The following LYPD6B variants were observed in gnomAD, a reference collection of about 807,000 sequenced individuals.
LYPD6B encodes ly6/PLAUR domain-containing protein 6B.
Under a neutral mutation model 22.8 loss-of-function variants are expected in LYPD6B, and 17 were observed. The observed-to-expected ratio is 0.75, with a 90% confidence interval of 0.51 to 1.12. LYPD6B has a LOEUF of 1.12. LYPD6B is among the 50% of genes most tolerant of loss of function. The pLI, the probability that LYPD6B is intolerant of heterozygous loss-of-function variation, is 0.00. For synonymous variants in LYPD6B, 106 were observed against 91.6 expected, an observed-to-expected ratio of 1.16 and a Z score of -0.90; for missense variants, 221 against 258.3, an observed-to-expected ratio of 0.86 and a Z score of 0.99.
Position 149,201,004 on chromosome 2 carries a change from T to G in LYPD6B, c.78-4249T>G, listed in dbSNP as rs1444391282. Among the ~76,000 whole-genome samples the G allele has an allele frequency of 2.0e-5, 3 of 152,196 alleles. No homozygotes were observed. In the East Asian group the frequency reaches 5.8e-4, roughly 29 times the overall value. On this transcript the variant is annotated intron_variant, in intron 3 of 6. Coordinates refer to ENST00000409642, the MANE Select transcript of LYPD6B (RefSeq NM_177964.5). The stretch of plus-strand genomic sequence containing the variant: ...GGAAAGATGGATGAAGGTAATAAGC[T>G]CTGTGTTGGGAAAAATGTTTTGAGC...
At chr2:149,091,367 T>TA (rs1389617635) in intron 1 of LYPD6B, among the ~76,000 whole-genome samples, 2 of 150,490 alleles carry the variant, frequency 1.3e-5, no homozygotes, top group Non-Finnish European at 3.0e-5. Flanking sequence ...AAAGATTATT[T>TA]ATATAGAATA....
rs200611202 is a variant in LYPD6B at position 149,157,327 on chromosome 2, A to C, written c.6-3437A>C. Among the ~76,000 whole-genome samples the C allele has an allele frequency of 4.1e-4, 63 of 152,048 alleles. 1 individual carries two copies. The highest frequency in any genetic ancestry group is 1.4e-3 in the African/African-American group (60 of 41,530). ...TATTGCTCTAGAAGTCAGTCTAAAAACACACAGGAGGAACTCAAGACTTAA... is the reference window on the plus strand; with the variant it reads ...TATTGCTCTAGAAGTCAGTCTAAAACCACACAGGAGGAACTCAAGACTTAA... On this transcript the variant is annotated intron_variant, in intron 2 of 6. Transcript: ENST00000409642.
chr2:149,119,258 A>G (rs1403305653), intron 1 of LYPD6B: 2 of 152,344 alleles, frequency 1.3e-5, no homozygotes, highest in Non-Finnish European at 1.5e-5. Flanking sequence ...TGTATTTTAG[A>G]CCAATAAATG....
intron 1 of LYPD6B, among the ~76,000 whole-genome samples, chr2:149,119,702 A>G (rs1288545932): frequency 1.3e-5 from 2 of 152,220 alleles, no homozygotes; most frequent in Non-Finnish European, 2.9e-5. Context: ...ACTCTGCTAG[A>G]TAGGATCTCT....
rs1687012686 is a variant in LYPD6B at position 149,116,516 on chromosome 2, T to A, written c.-66-14367T>A. ...CTAACCCTCTGCTAATATTTACTAC[T>A]AATTTGCTGTTGTGCCATTTTCTGA... On this transcript the variant is annotated intron_variant, in intron 1 of 6. Transcript: ENST00000409642. Among the ~76,000 whole-genome samples, 4 of 152,338 alleles carry A rather than the reference T, an allele frequency of 2.6e-5. No homozygotes were observed. In the South Asian group the frequency reaches 8.3e-4, roughly 32 times the overall value.
intron 1 of LYPD6B, among the ~76,000 whole-genome samples, chr2:149,082,506 C>G (rs544959415): frequency 6.6e-6 from 1 of 152,270 alleles, no homozygotes; most frequent in African/African-American, 2.4e-5. Flanking sequence ...CCCCCAGTAC[C>G]AATTCCTGCT....
At chr2:149,133,245 T>C (rs1688142208) in intron 2 of LYPD6B, among the ~76,000 whole-genome samples, 1 of 152,208 alleles carries the variant, frequency 6.6e-6, no homozygotes, top group Non-Finnish European at 1.5e-5. Context: ...GTCAGTTTAA[T>C]GAGGTACTAA....
At chr2:149,198,358 T>C (rs1355392375) in intron 3 of LYPD6B, among the ~76,000 whole-genome samples, 1 of 152,168 alleles carries the variant, frequency 6.6e-6, no homozygotes, top group East Asian at 1.9e-4. Context: ...AAATTTTTTC[T>C]ATGTGGAGCT....
At chr2:149,210,976 G>A (rs1693814041) in intron 5 of LYPD6B, among the ~76,000 whole-genome samples, 1 of 152,172 alleles carries the variant, frequency 6.6e-6, no homozygotes. Flanking sequence ...TCCATAGGCT[G>A]TTCAGGAAGC....
intron 5 of LYPD6B, among the ~76,000 whole-genome samples, chr2:149,212,596 C>T (rs983219197): frequency 4.6e-5 from 7 of 151,898 alleles, no homozygotes; most frequent in African/African-American, 9.7e-5. Context: ...TGACCCATTG[C>T]GTTTTACCAT....
chr2:149,213,122 G>A lies in LYPD6B; in HGVS notation c.459G>A (p.Thr153=), dbSNP rs769271943. Residue 153 remains threonine, a splice_region_variant and synonymous_variant, in exon 6 of 7, where the codon ACG becomes ACA. Coordinates refer to ENST00000409642, the MANE Select transcript of LYPD6B (RefSeq NM_177964.5). The stretch of plus-strand genomic sequence containing the variant: ...ACCACAGCCGAGATTCTGAACATAC[G>A]GTAAGGATCGTGTGTGTGTGTTATT... ...GCHHSRDSEH[T]ECRSCCEGMI... is the part of the protein sequence containing the mutation. 32 of 1,610,474 alleles carry A rather than the reference G, an allele frequency of 2.0e-5. No homozygotes were observed. Among genetic ancestry groups the A allele is most frequent in the Middle Eastern group, 1.6e-4 (1 of 6,062 alleles).
chr2:149,211,325 G>A (rs1433837252), intron 5 of LYPD6B, among the ~76,000 whole-genome samples: 1 of 152,094 alleles, frequency 6.6e-6, no homozygotes, highest in Admixed American at 6.5e-5. Flanking sequence ...AGTATACTGA[G>A]GAGTAGAATA....
intron 1 of LYPD6B, among the ~76,000 whole-genome samples, chr2:149,117,308 T>C (rs534011672): frequency 1.2e-4 from 18 of 151,924 alleles, no homozygotes; most frequent in African/African-American, 4.4e-4. Context: ...TCTCCCTCTG[T>C]CGCTCAGGCA....
At chr2:149,128,214 A>G (rs1687818158) in intron 1 of LYPD6B, among the ~76,000 whole-genome samples, 1 of 152,136 alleles carries the variant, frequency 6.6e-6, no homozygotes, top group African/African-American at 2.4e-5. Flanking sequence ...TTTTGTACCT[A>G]GTCACATCTG....
intron 4 of LYPD6B, among the ~76,000 whole-genome samples, chr2:149,205,646 T>G (rs1353311991): frequency 6.6e-6 from 1 of 152,224 alleles, no homozygotes; most frequent in Non-Finnish European, 1.5e-5. Flanking sequence ...TAAAAAAAAC[T>G]TTTGGAGCAC....
At chr2:149,130,029 G>A (rs1575025658) in intron 1 of LYPD6B, among the ~76,000 whole-genome samples, 1 of 152,246 alleles carries the variant, frequency 6.6e-6, no homozygotes, top group East Asian at 1.9e-4. Context: ...CAGTTAAGTG[G>A]GTACACCCGC....
chr2:149,214,795 C>A lies in LYPD6B; in HGVS notation c.*85C>A. ...GAACGGTGAACTTTGGAGTGAAGAT[C>A]AATCTTGCACTTGGTGAAGAGTGCA... On this transcript the variant is annotated 3_prime_UTR_variant, in exon 7 of 7. Transcript: ENST00000409642. 6 of 1,397,288 alleles carry A rather than the reference C, an allele frequency of 4.3e-6. No individual in the cohort carries two copies. Among genetic ancestry groups the A allele is most frequent in the Non-Finnish European group, 6.1e-6 (6 of 991,404 alleles). The allele number at this position is 1,397,288 out of a possible 1,614,324, so 86.6% of individuals were successfully genotyped here. A position where few individuals can be genotyped will look rare whatever the true frequency, so the allele number is the denominator to read the frequency against.
chr2:149,207,396 C>A (rs1341109295), intron 4 of LYPD6B, among the ~76,000 whole-genome samples: 1 of 152,046 alleles, frequency 6.6e-6, no homozygotes, highest in African/African-American at 2.4e-5. Flanking sequence ...GAAACAGTGT[C>A]TTTGTCTTAG....
chr2:149,127,288 G>A (rs1242461112), intron 1 of LYPD6B, among the ~76,000 whole-genome samples: 2 of 152,104 alleles, frequency 1.3e-5, no homozygotes, highest in African/African-American at 4.8e-5. Context: ...ATTTGTGTGA[G>A]CTTATATTTG....
Sources: allele counts gnomAD v4.1 joint callset (sites outside exome capture counted in the v4.1 genomes callset), GRCh38; gene constraint gnomAD v4.1.1; transcripts MANE v1.5; gene names NCBI Gene and HGNC (gene_info 2026-07-23, HGNC 2026-07-21).